MRTFA: variants seen among roughly 807,000 people sequenced by gnomAD.
MRTFA encodes myocardin related transcription factor A.
In MRTFA, 20 loss-of-function variants were observed where a neutral mutation model predicts 83.5. That is an observed-to-expected ratio of 0.24 (90% CI 0.17 to 0.35). The LOEUF (loss-of-function observed/expected upper bound fraction) is 0.35, where lower values mean the gene tolerates loss of function less well. Among genes scored for constraint, MRTFA ranks in the 10% least tolerant of loss-of-function variants. The probability of loss-of-function intolerance (pLI) is 1.00; values close to 1 mark genes in which losing one functional copy is unlikely to be tolerated. For missense variants in MRTFA, 1,200 were observed against 1,224.7 expected, an observed-to-expected ratio of 0.98 and a Z score of 0.30; for synonymous variants, 659 against 541.2, an observed-to-expected ratio of 1.22 and a Z score of -3.02.
At position 40,431,441 on chromosome 22, in the gene MRTFA, C is replaced by G. The variant is rs747822811; in HGVS notation, c.403G>C (p.Glu135Gln). The G allele has an allele frequency of 1.2e-6, 2 of 1,614,040 alleles. No homozygotes were observed. Among genetic ancestry groups the G allele is most frequent in the African/African-American group, 2.7e-5 (2 of 74,940 alleles). ...TGCATCCTGACCAGCTCCGATCTCT[C>G]CGGCCGGGAACGAATCTTCCGTTTG... The change falls in exon 6 of 15, where the codon GAG becomes CAG. Residue 135 changes from glutamate to glutamine, a missense_variant. Glu to Gln is a conservative substitution (Grantham distance 29, BLOSUM62 2). Coordinates refer to ENST00000355630, the MANE Select transcript of MRTFA (RefSeq NM_020831.6).
At position 40,617,455 on chromosome 22, in the gene MRTFA, G is replaced by A. The variant is rs191648518; in HGVS notation, c.-84+19023C>T. Among the ~76,000 whole-genome samples, 424 of 151,468 alleles carry A rather than the reference G, an allele frequency of 2.8e-3. 3 individuals carry two copies. Among genetic ancestry groups the A allele is most frequent in the African/African-American group, 9.3e-3 (382 of 41,278 alleles). On this transcript the variant is annotated intron_variant, in intron 1 of 14. Coordinates refer to ENST00000355630, the MANE Select transcript of MRTFA (RefSeq NM_020831.6). ...TAGAAAGAATGGCCTAGCCAGGCGC[G>A]GTGGCTCACGCCTGTAATGCCAGCA...
chr22:40,523,125 C>CAAA (rs139613292), intron 3 of MRTFA, among the ~76,000 whole-genome samples: 45 of 126,694 alleles, frequency 3.6e-4, no homozygotes, highest in African/African-American at 1.2e-3. Context: ...AGAAAAATGG[C>CAAA]AAAAAAAAAA....
chr22:40,628,845 T>G (rs2056609551), intron 1 of MRTFA, among the ~76,000 whole-genome samples: 2 of 152,122 alleles, frequency 1.3e-5, no homozygotes, highest in Non-Finnish European at 2.9e-5. Flanking sequence ...AGAACTGGAC[T>G]TGAGTCATGA....
chr22:40,575,290 C>T (rs879939857), intron 2 of MRTFA, among the ~76,000 whole-genome samples: 5 of 152,070 alleles, frequency 3.3e-5, no homozygotes, highest in African/African-American at 7.2e-5. Flanking sequence ...GATACTCAAA[C>T]GCTCAGTAAA....
rs370853261 is a variant in MRTFA at position 40,518,985 on chromosome 22, TTGGTGG to T, written c.241+33115_241+33120del. ...TTCGTGATTTTTGTTTTGGAGGCTT[TTGGTGG>T]TGGTGGTGGTGGTTTTGTTTTTGGG... On this transcript the variant is annotated intron_variant, in intron 3 of 14. Transcript: ENST00000355630. Among the ~76,000 whole-genome samples the T allele has an allele frequency of 4.4e-3, 666 of 151,468 alleles. 2 individuals carry two copies. Among genetic ancestry groups the T allele is most frequent in the Admixed American group, 8.3e-3 (126 of 15,188 alleles).
At chr22:40,476,307 G>A (rs1365692062) in intron 3 of MRTFA, among the ~76,000 whole-genome samples, 2 of 152,066 alleles carry the variant, frequency 1.3e-5, no homozygotes, top group Non-Finnish European at 2.9e-5. Context: ...AAAAAGATAC[G>A]AAAGAGAAGA....
chr22:40,577,276 A>G (rs2055881840), intron 2 of MRTFA, among the ~76,000 whole-genome samples: 1 of 151,330 alleles, frequency 6.6e-6, no homozygotes, highest in Non-Finnish European at 1.5e-5. Context: ...AAAAGACTAT[A>G]ATGAGATTGA....
chr22:40,619,908 A>AG (rs2056500228), intron 1 of MRTFA, among the ~76,000 whole-genome samples: 1 of 151,192 alleles, frequency 6.6e-6, no homozygotes, highest in Non-Finnish European at 1.5e-5. Context: ...AAAAAAAAAA[A>AG]AGAAATCAGT....
intron 3 of MRTFA, among the ~76,000 whole-genome samples, chr22:40,551,470 C>T (rs144154317): frequency 2.6e-5 from 4 of 152,246 alleles, no homozygotes; most frequent in African/African-American, 9.6e-5. Context: ...CTAGTTCAAT[C>T]GATCCTCCCA....
At chr22:40,607,931 A>G (rs2056337673) in intron 1 of MRTFA, among the ~76,000 whole-genome samples, 1 of 152,256 alleles carries the variant, frequency 6.6e-6, no homozygotes, top group African/African-American at 2.4e-5. Context: ...CAATATAATT[A>G]AAGTTGAGAT....
chr22:40,559,699 G>T (rs567940636), intron 2 of MRTFA, among the ~76,000 whole-genome samples: 12 of 152,260 alleles, frequency 7.9e-5, no homozygotes, highest in Non-Finnish European at 1.3e-4. Context: ...GAGCCACCTT[G>T]CCTGACAGAA....
At chr22:40,463,419 A>C (rs1375857017) in intron 3 of MRTFA, 133 bp from the exon 4 acceptor site, 2 of 692,134 alleles carry the variant, frequency 2.9e-6, no homozygotes, top group African/African-American at 3.6e-5. Context: ...CTTGAAGTGC[A>C]ACTGTCTGTA....
intron 10 of MRTFA, 39 bp downstream of exon 10, chr22:40,420,808 G>A (rs771513562): frequency 1.7e-5 from 28 of 1,609,012 alleles, no homozygotes; most frequent in Middle Eastern, 1.7e-4. Flanking sequence ...AGGGTGGCTC[G>A]GGGAGGGCAG....
In MRTFA at chr22:40,411,232, A is replaced by T; in HGVS notation, c.*158T>A. 1.3e-6 allele frequency: 1 copy of T among 760,132 alleles called. No individual in the cohort carries two copies. Among genetic ancestry groups the T allele is most frequent in the Non-Finnish European group, 2.0e-6 (1 of 496,106 alleles). 47.1% of individuals were successfully genotyped at this position (760,132 alleles called of 1,614,324 possible). A position where few individuals can be genotyped will look rare whatever the true frequency, so the allele number is the denominator to read the frequency against. ...CCCTGCGTGGCACTGAACCAGGAGT[A>T]AGGGCTTCTCTGTTCTAGCCTCCCA... On this transcript the variant is annotated 3_prime_UTR_variant, in exon 15 of 15. Coordinates refer to ENST00000355630, the MANE Select transcript of MRTFA (RefSeq NM_020831.6).
At chr22:40,469,391 A>C (rs1381204250) in intron 3 of MRTFA, among the ~76,000 whole-genome samples, 1 of 152,170 alleles carries the variant, frequency 6.6e-6, no homozygotes, top group Admixed American at 6.6e-5. Context: ...CTCTCTCGCC[A>C]TGTGACACTC....
intron 4 of MRTFA, among the ~76,000 whole-genome samples, chr22:40,456,314 T>TAA (rs879436745): frequency 3.7e-4 from 54 of 145,288 alleles, no homozygotes; most frequent in African/African-American, 1.3e-3. Context: ...GAAACTTCTG[T>TAA]AAAAAAAAAA....
chr22:40,476,898 A>G (rs575975640), intron 3 of MRTFA, among the ~76,000 whole-genome samples: 3 of 152,296 alleles, frequency 2.0e-5, no homozygotes, highest in African/African-American at 4.8e-5. Context: ...TAAAGGCCCA[A>G]TGTATTTTAT....
Position 40,612,277 on chromosome 22 carries a change from C to T in MRTFA, c.-83-17542G>A, listed in dbSNP as rs529062804. Among the ~76,000 whole-genome samples, 30 of 152,332 alleles carry T rather than the reference C, an allele frequency of 2.0e-4. No individual in the cohort carries two copies. In the South Asian group the frequency reaches 6.0e-3, roughly 30 times the overall value. On this transcript the variant is annotated intron_variant, in intron 1 of 14. Coordinates refer to ENST00000355630, the MANE Select transcript of MRTFA (RefSeq NM_020831.6). ...GGAGAAACCAAAAAAAATTAACTCT[C>T]TAAAATGACTGCAGTTAGGAAACGG...
rs565577927 is a variant in MRTFA at position 40,527,400 on chromosome 22, T to C, written c.241+24706A>G. ...AAAGTGGAGTTTTTTTTTTTTGTCA[T>C]TGATGGCAGAGTGGTTTTTTAGCAT... is the stretch of plus-strand genomic sequence containing the variant. On this transcript the variant is annotated intron_variant, in intron 3 of 14. Transcript: ENST00000355630. Among the ~76,000 whole-genome samples the C allele has an allele frequency of 6.1e-4, 93 of 151,904 alleles. 5 individuals carry two copies. In the South Asian group the frequency reaches 0.019, roughly 30 times the overall value.
Sources: gnomAD v4.1 joint callset for allele counts (sites outside exome capture counted in the v4.1 genomes callset) on GRCh38, gnomAD v4.1.1 for gene constraint, MANE v1.5 for transcripts, NCBI Gene and HGNC (gene_info 2026-07-23, HGNC 2026-07-21) for gene names.